FOXRED2: variants seen among roughly 807,000 people sequenced by gnomAD.
The protein encoded by FOXRED2 is FAD-dependent oxidoreductase domain-containing protein 2.
In FOXRED2, 32 loss-of-function variants were observed where a neutral mutation model predicts 52.5. The ratio of observed to expected loss-of-function variants is 0.61; its 90% CI spans 0.46 to 0.82. The LOEUF (loss-of-function observed/expected upper bound fraction) is 0.82. Ranked by LOEUF, FOXRED2 falls within the 40% of genes least tolerant of loss-of-function variation. The pLI is 0.00. For synonymous variants in FOXRED2, 405 were observed against 398.1 expected, an observed-to-expected ratio of 1.02 and a Z score of -0.21; for missense variants, 848 against 937.5, an observed-to-expected ratio of 0.90 and a Z score of 1.25.
At position 36,506,171 on chromosome 22, in the gene FOXRED2, C is replaced by G. The variant is rs2145860181; in HGVS notation, c.252G>C (p.Arg84=). 2 of 1,614,242 alleles carry G rather than the reference C, an allele frequency of 1.2e-6. No individual in the cohort carries two copies. The highest frequency in any genetic ancestry group is 1.7e-6 in the Non-Finnish European group (2 of 1,180,038). ...RHRKLISINK[R]YTGKANAEFN... ...ACTCGGCGTTAGCCTTGCCCGTGTACCGCTTGTTGATGCTGATGAGCTTGC... is the reference window on the plus strand; with the variant it reads ...ACTCGGCGTTAGCCTTGCCCGTGTAGCGCTTGTTGATGCTGATGAGCTTGC... Residue 84 remains arginine (R), a synonymous_variant, in exon 2 of 9, where the codon CGG becomes CGC. Transcript: ENST00000397224.
rs768293957 is a variant in FOXRED2, at chr22:36,501,366, T to C, written c.1091A>G (p.Tyr364Cys). 6.2e-7 allele frequency: 1 copy of C among 1,614,124 alleles called. No individual in the cohort carries two copies. The highest frequency in any genetic ancestry group is 2.2e-5 in the East Asian group (1 of 44,880). Residue 364 changes from tyrosine to cysteine, a missense_variant, in exon 5 of 9, where the codon TAC becomes TGC. Tyr to Cys is a radical substitution (Grantham distance 194). Coordinates refer to ENST00000397224, the MANE Select transcript of FOXRED2 (RefSeq NM_001102371.2). ...TTCGTAGCTAGCTCGAATCAGCGGGTACTTCTTGCCGAATGCATTTCCCGA... is the reference window on the plus strand; with the variant it reads ...TTCGTAGCTAGCTCGAATCAGCGGGCACTTCTTGCCGAATGCATTTCCCGA... ...LNSGNAFGKK[Y>C]PLIRASYESK...
intron 4 of FOXRED2, among the ~76,000 whole-genome samples, chr22:36,502,694 CTT>C (rs754745425): frequency 2.0e-5 from 3 of 151,748 alleles, no homozygotes; most frequent in East Asian, 1.9e-4. Flanking sequence ...TCTCCTCTCT[CTT>C]TTTTTGTTTT....
chr22:36,501,296 G>A lies in FOXRED2; in HGVS notation c.1161C>T (p.His387=). The A allele has an allele frequency of 6.2e-7, 1 of 1,614,166 alleles. No individual in the cohort carries two copies. Among genetic ancestry groups the A allele is most frequent in the South Asian group, 1.1e-5 (1 of 91,078 alleles). ...RGLFILGTAS[H]SVDYRKSAGG... The stretch of plus-strand genomic sequence containing the variant: ...CAGCAGATTTCCGGTAGTCCACCGA[G>A]TGGCTGGCAGTACCCAGGATAAACA... The change falls in exon 5 of 9, where the codon CAC becomes CAT. Residue 387 remains histidine (H), a synonymous_variant. Transcript: ENST00000397224.
rs1275108449 is a variant in FOXRED2, at chr22:36,493,673, C to T, written c.1755G>A (p.Leu585=). 1.9e-6 allele frequency: 3 copies of T among 1,614,054 alleles called. No homozygotes were observed. Among genetic ancestry groups the T allele is most frequent in the Non-Finnish European group, 2.5e-6 (3 of 1,180,010 alleles). Residue 585 remains leucine, a synonymous_variant, in exon 8 of 9, where the codon CTG becomes CTA. Coordinates refer to ENST00000397224, the MANE Select transcript of FOXRED2 (RefSeq NM_001102371.2). ...GCAAATCGGTGTCCAAACAGTTCTC[C>T]AGGAAGCGCCTCAGAGGTAGGATGT... The part of the protein sequence containing the change: ...IGHILPLRRF[L]ENCLDTDLRS...
Position 36,489,940 on chromosome 22 carries a change from A to T in FOXRED2, c.*68T>A. 1 of 1,459,138 alleles carries T rather than the reference A, an allele frequency of 6.9e-7. No individual in the cohort carries two copies. Among genetic ancestry groups the T allele is most frequent in the East Asian group, 2.4e-5 (1 of 42,288 alleles). 90.4% of individuals were successfully genotyped at this position (1,459,138 alleles called of 1,614,324 possible). A position where few individuals can be genotyped will look rare whatever the true frequency, so the allele number is the denominator to read the frequency against. On this transcript the variant is annotated 3_prime_UTR_variant, in exon 9 of 9. Transcript: ENST00000397224. Reference sequence around the variant, plus strand: ...TGGCGGGAGTGTGAGGTTGCGGGGAAAGAGGGACTGACCATGGGCCTAGGT... The same window carrying T: ...TGGCGGGAGTGTGAGGTTGCGGGGATAGAGGGACTGACCATGGGCCTAGGT...
intron 2 of FOXRED2, among the ~76,000 whole-genome samples, 165 bp from the exon 3 acceptor site, chr22:36,504,931 C>T (rs144041503): frequency 2.7e-4 from 41 of 152,156 alleles, no homozygotes; most frequent in African/African-American, 8.9e-4. Flanking sequence ...CATCTGTTTA[C>T]GCCCTCATCC....
At chr22:36,501,561 A>G (rs762776294) in intron 4 of FOXRED2, among the ~76,000 whole-genome samples, 154 bp from the exon 5 acceptor site, 1 of 152,132 alleles carries the variant, frequency 6.6e-6, no homozygotes, top group Non-Finnish European at 1.5e-5. Flanking sequence ...CCTGGGTTCA[A>G]ACTATTATCC....
At chr22:36,491,805 A>G (rs1446400720) in intron 8 of FOXRED2, among the ~76,000 whole-genome samples, 1 of 152,186 alleles carries the variant, frequency 6.6e-6, no homozygotes, top group African/African-American at 2.4e-5. Flanking sequence ...GCAATGTGAG[A>G]ACAGACTAAT....
At chr22:36,499,334 G>A (rs1933984107) in intron 5 of FOXRED2, among the ~76,000 whole-genome samples, 1 of 152,206 alleles carries the variant, frequency 6.6e-6, no homozygotes, top group African/African-American at 2.4e-5. Flanking sequence ...TTGATGCTCA[G>A]GCTAGGCATG....
In FOXRED2 at chr22:36,501,228, C is replaced by G. The variant is rs749612327; in HGVS notation, c.1216+13G>C. The G allele has an allele frequency of 6.2e-6, 10 of 1,613,422 alleles. No homozygotes were observed. The highest frequency in any genetic ancestry group is 1.7e-5 in the Admixed American group (1 of 59,998). ...CCGTCTGGGGACAGTTCTGCCTTCT[C>G]AGCTGGGCTCACCTGTGTATCGGAA... On this transcript the variant is annotated intron_variant, in intron 5 of 8. Coordinates refer to ENST00000397224, the MANE Select transcript of FOXRED2 (RefSeq NM_001102371.2).
At position 36,493,647 on chromosome 22, in the gene FOXRED2, C is replaced by T. The variant is rs756741928; in HGVS notation, c.1781G>A (p.Arg594Gln). The T allele has an allele frequency of 5.0e-6, 8 of 1,613,958 alleles. No homozygotes were observed. Among genetic ancestry groups the T allele is most frequent in the South Asian group, 2.2e-5 (2 of 91,062 alleles). The change falls in exon 8 of 9, where the codon CGA becomes CAA. Residue 594 changes from arginine to glutamine, a missense_variant. By Grantham distance (43) the Arg-to-Gln change is conservative (BLOSUM62 1). Transcript: ENST00000397224. ...GCTTAAGTTACCTGCATAGAAGCTT[C>T]GCAAATCGGTGTCCAAACAGTTCTC... ...FLENCLDTDL[R>Q]SFYAESCFLF...
chr22:36,503,943 A>G (rs891656766), intron 4 of FOXRED2, among the ~76,000 whole-genome samples, 155 bp downstream of exon 4: 1 of 152,226 alleles, frequency 6.6e-6, no homozygotes, highest in Non-Finnish European at 1.5e-5. Context: ...GTCAGAGCTC[A>G]TGTCCTGGAG....
intron 8 of FOXRED2, among the ~76,000 whole-genome samples, chr22:36,493,026 G>A (rs917356480): frequency 2.8e-4 from 42 of 152,290 alleles, no homozygotes; most frequent in Admixed American, 2.4e-3. Flanking sequence ...CTTCCCTACT[G>A]AGATCCAAGC....
intron 8 of FOXRED2, among the ~76,000 whole-genome samples, chr22:36,491,186 G>C (rs1345822891): frequency 7.9e-5 from 12 of 152,064 alleles, no homozygotes; most frequent in African/African-American, 2.9e-4. Flanking sequence ...AAAGAAATAT[G>C]AAGAAACAAC....
In FOXRED2 at chr22:36,506,345, C is replaced by G; in HGVS notation, c.78G>C (p.Ser26=). 2 of 1,485,160 alleles carry G rather than the reference C, an allele frequency of 1.3e-6. No individual in the cohort carries two copies. The highest frequency in any genetic ancestry group is 1.3e-5 in the South Asian group (1 of 75,766). 92.0% of individuals were successfully genotyped at this position (1,485,160 alleles called of 1,614,324 possible). A position where few individuals can be genotyped will look rare whatever the true frequency, so the allele number is the denominator to read the frequency against. The change falls in exon 2 of 9, where the codon TCG becomes TCC. Residue 26 remains serine, a synonymous_variant. Coordinates refer to ENST00000397224, the MANE Select transcript of FOXRED2 (RefSeq NM_001102371.2). ...CGCAGTAGTCCCGGCGCGGGGGCAC[C>G]GACAGCGCTGGGTGCAGGGCGATGG... is the stretch of plus-strand genomic sequence containing the variant. ...LLAIALHPAL[S]VPPRRDYCVL... is the part of the protein sequence containing the mutation.
At position 36,505,959 on chromosome 22, in the gene FOXRED2, C is replaced by T. The variant is rs1345406195; in HGVS notation, c.464G>A (p.Arg155Gln). Residue 155 changes from arginine (R) to glutamine (Q), a missense_variant, in exon 2 of 9, where the codon CGA becomes CAA. Coordinates refer to ENST00000397224, the MANE Select transcript of FOXRED2 (RefSeq NM_001102371.2). ...GAAGTAGTGGCCATTCCAGGCCTGT[C>T]GGTCCTTGTCCAGAGTGACGTGGGC... is the stretch of plus-strand genomic sequence containing the variant. ...TIAHVTLDKD[R>Q]QAWNGHYFIL... 6.8e-6 allele frequency: 11 copies of T among 1,614,086 alleles called. No individual in the cohort carries two copies. The highest frequency in any genetic ancestry group is 1.6e-4 in the Middle Eastern group (1 of 6,084).
chr22:36,501,553 T>C, intron 4 of FOXRED2, 146 bp from the exon 5 acceptor site: 2 of 740,306 alleles, frequency 2.7e-6, no homozygotes, highest in East Asian at 5.6e-5. Flanking sequence ...CTCTGCCTCC[T>C]GGGTTCAAAC....
chr22:36,503,833 C>T (rs961998432), intron 4 of FOXRED2, among the ~76,000 whole-genome samples: 1 of 152,226 alleles, frequency 6.6e-6, no homozygotes, highest in African/African-American at 2.4e-5. Context: ...CTCTCTGAGC[C>T]GGCCTTTCCA....
rs1933677803 is a variant in FOXRED2, at chr22:36,489,000, T to C, written c.*1008A>G. 6.6e-6 allele frequency: 1 copy of C among 152,212 alleles called. No homozygotes were observed. Among genetic ancestry groups the C allele is most frequent in the Admixed American group, 6.5e-5 (1 of 15,272 alleles). The allele number at this position is 152,212 out of a possible 1,614,324, so 9.4% of individuals were successfully genotyped here. ...AAGACGCCTGATGGGAAAGTGCAGA[T>C]TGCTGGTGAGGAAGGGCAATGAAGA... On this transcript the variant is annotated 3_prime_UTR_variant, in exon 9 of 9. Transcript: ENST00000397224.
Sources: allele counts gnomAD v4.1 joint callset (sites outside exome capture counted in the v4.1 genomes callset), GRCh38; gene constraint gnomAD v4.1.1; transcripts MANE v1.5; gene names NCBI Gene and HGNC (gene_info 2026-07-23, HGNC 2026-07-21).